Variants in ZFP14 observed in about 807,000 individuals in gnomAD.
The protein encoded by ZFP14 is zinc finger protein 14 homolog.
A neutral mutation model predicts 54.5 loss-of-function variants in ZFP14; 22 were observed. The ratio of observed to expected loss-of-function variants is 0.40; its 90% CI spans 0.29 to 0.58. ZFP14 has a LOEUF of 0.58. Ranked by LOEUF, ZFP14 falls within the 20% of genes least tolerant of loss-of-function variation. ZFP14 has a pLI of 0.39. For synonymous variants in ZFP14, 159 were observed against 204.0 expected (o/e 0.78, Z 1.88); for missense variants, 470 against 637.8 (o/e 0.74, Z 2.83).
In ZFP14 at chr19:36,364,994, C is replaced by CT. The variant is rs398034482; in HGVS notation, c.10-2757dup. Among the ~76,000 whole-genome samples, 113 of 61,996 alleles carry CT rather than the reference C, an allele frequency of 1.8e-3. 15 individuals carry two copies. Among genetic ancestry groups the CT allele is most frequent in the East Asian group, 5.7e-3 (11 of 1,926 alleles). The allele number at this position is 61,996 out of a possible 152,430, so 40.7% of individuals were successfully genotyped here. On this transcript the variant is annotated intron_variant, in intron 2 of 4. Transcript: ENST00000270001. ...TTTGCTTTCTTTCCTTTTTCTTTTT[C>CT]TTTTTTTTTTTTTTTTTTTTTTTTT...
At chr19:36,359,600 T>C (rs934642517) in intron 4 of ZFP14, among the ~76,000 whole-genome samples, 2 of 16,212 alleles carry the variant, frequency 1.2e-4, no homozygotes, top group Non-Finnish European at 2.4e-4. Context: ...TTCATTTAAG[T>C]TATCAAATTT....
At chr19:36,372,728 G>A (rs1007930309) in intron 1 of ZFP14, among the ~76,000 whole-genome samples, 1 of 152,168 alleles carries the variant, frequency 6.6e-6, no homozygotes, top group African/African-American at 2.4e-5. Flanking sequence ...AAATCAGAAT[G>A]TCAAAGAGAT....
chr19:36,350,560 C>T (rs547554950), intron 4 of ZFP14, among the ~76,000 whole-genome samples: 2 of 140,472 alleles, frequency 1.4e-5, no homozygotes, highest in South Asian at 4.5e-4. Flanking sequence ...GAAATCATGC[C>T]ACTGCACTCC....
At chr19:36,353,204 A>G (rs2031558991) in intron 4 of ZFP14, among the ~76,000 whole-genome samples, 1 of 143,068 alleles carries the variant, frequency 7.0e-6, no homozygotes, top group Non-Finnish European at 1.6e-5. Context: ...TAAGGGAAGT[A>G]TTCAGAGAAG....
At chr19:36,346,230 G>C (rs2031411056) in intron 4 of ZFP14, among the ~76,000 whole-genome samples, 1 of 152,084 alleles carries the variant, frequency 6.6e-6, no homozygotes, top group African/African-American at 2.4e-5. Flanking sequence ...GCATTGCAAT[G>C]AGCCATGATT....
intron 4 of ZFP14, among the ~76,000 whole-genome samples, chr19:36,357,281 G>A (rs1024819582): frequency 4.6e-5 from 7 of 152,198 alleles, no homozygotes; most frequent in East Asian, 1.9e-4. Flanking sequence ...AATATCAGGC[G>A]ATCTGCCCGC....
intron 4 of ZFP14, among the ~76,000 whole-genome samples, chr19:36,352,033 A>C (rs1253021398): frequency 2.1e-5 from 3 of 141,594 alleles, no homozygotes; most frequent in Non-Finnish European, 3.1e-5. Flanking sequence ...AATACAAAAA[A>C]ATTAGCGGGG....
At chr19:36,349,725 A>G (rs1369074273) in intron 4 of ZFP14, among the ~76,000 whole-genome samples, 6 of 148,060 alleles carry the variant, frequency 4.1e-5, no homozygotes, top group African/African-American at 1.2e-4. Flanking sequence ...TATGTATATT[A>G]TCTATAAATA....
At chr19:36,349,694 T>A (rs1206404183) in intron 4 of ZFP14, among the ~76,000 whole-genome samples, 1 of 143,092 alleles carries the variant, frequency 7.0e-6, no homozygotes, top group Non-Finnish European at 1.5e-5. Context: ...TATATATATA[T>A]AATATATATA....
At chr19:36,358,516 T>C (rs2031659295) in intron 4 of ZFP14, among the ~76,000 whole-genome samples, 1 of 152,228 alleles carries the variant, frequency 6.6e-6, no homozygotes, top group East Asian at 1.9e-4. Context: ...ATGTACACAA[T>C]CATGTCATCT....
At position 36,366,329 on chromosome 19, in the gene ZFP14, G is replaced by A. The variant is rs1461088066; in HGVS notation, c.9+1555C>T. The stretch of plus-strand genomic sequence containing the variant: ...TTGAACAAAGTTCTTGTTTTGTTTT[G>A]TCTTTTTGAGATAGGGTCTGGCTCT... On this transcript the variant is annotated intron_variant, in intron 2 of 4. Transcript: ENST00000270001. 2.0e-5 allele frequency among the ~76,000 whole-genome samples: 3 copies of A among 151,676 alleles called. No homozygotes were observed. In the South Asian group the frequency reaches 6.3e-4, roughly 32 times the overall value.
At position 36,371,457 on chromosome 19, in the gene ZFP14, A is replaced by G. The variant is rs1317787455; in HGVS notation, c.-79-3486T>C. Among the ~76,000 whole-genome samples, 4 of 152,202 alleles carry G rather than the reference A, an allele frequency of 2.6e-5. No individual in the cohort carries two copies. In the East Asian group the frequency reaches 7.7e-4, roughly 29 times the overall value. Reference sequence around the variant, plus strand: ...GAAGGAAATTTTGAAAATGCAAGACAGAACATCAACAGCAGAATTGACCAA... The same window carrying G: ...GAAGGAAATTTTGAAAATGCAAGACGGAACATCAACAGCAGAATTGACCAA... On this transcript the variant is annotated intron_variant, in intron 1 of 4. Transcript: ENST00000270001.
At chr19:36,354,264 A>G (rs1335291503) in intron 4 of ZFP14, among the ~76,000 whole-genome samples, 1 of 137,090 alleles carries the variant, frequency 7.3e-6, no homozygotes, top group Admixed American at 7.6e-5. Flanking sequence ...CCAGCTACTT[A>G]GGAGGCTGAG....
rs2031229608 is a variant in ZFP14 at position 36,337,662 on chromosome 19, G to GT, written c.*2561dup. On this transcript the variant is annotated 3_prime_UTR_variant, in exon 5 of 5. Coordinates refer to ENST00000270001, the MANE Select transcript of ZFP14 (RefSeq NM_020917.3). ...GGATACCAAGGGATGACCATATACT[G>GT]TTCATCTAGTCCCTGTCTGCTTTCA... The GT allele has an allele frequency of 2.0e-5, 3 of 152,262 alleles. No homozygotes were observed. Among genetic ancestry groups the GT allele is most frequent in the African/African-American group, 7.2e-5 (3 of 41,554 alleles). The allele number at this position is 152,262 out of a possible 1,614,324, so 9.4% of individuals were successfully genotyped here. A position where few individuals can be genotyped will look rare whatever the true frequency, so the allele number is the denominator to read the frequency against.
intron 4 of ZFP14, among the ~76,000 whole-genome samples, chr19:36,345,482 A>C (rs904983051): frequency 6.6e-6 from 1 of 152,330 alleles, no homozygotes; most frequent in East Asian, 1.9e-4. Flanking sequence ...GAGTAAAAAT[A>C]AAGGCTATGT....
intron 2 of ZFP14, among the ~76,000 whole-genome samples, chr19:36,363,146 A>C (rs1040133289): frequency 6.6e-6 from 1 of 151,520 alleles, no homozygotes; most frequent in Non-Finnish European, 1.5e-5. Flanking sequence ...GATATCATAA[A>C]GATATCACCT....
At chr19:36,355,682 CAA>C (rs1198663486) in intron 4 of ZFP14, among the ~76,000 whole-genome samples, 2 of 115,696 alleles carry the variant, frequency 1.7e-5, no homozygotes. Flanking sequence ...AGCCCTGTCT[CAA>C]AAAAAAAAAG....
intron 4 of ZFP14, among the ~76,000 whole-genome samples, chr19:36,344,519 T>C (rs968333206): frequency 2.0e-5 from 3 of 152,138 alleles, no homozygotes; most frequent in Non-Finnish European, 4.4e-5. Flanking sequence ...AATTATATAA[T>C]CATTAATTAA....
Position 36,337,472 on chromosome 19 carries a change from A to G in ZFP14, c.*2752T>C, listed in dbSNP as rs904966341. Reference sequence around the variant, plus strand: ...AAAATACAGTATAACAACTATTTACATAGTATTTACATTGTGATAGGTATA... The same window carrying G: ...AAAATACAGTATAACAACTATTTACGTAGTATTTACATTGTGATAGGTATA... On this transcript the variant is annotated 3_prime_UTR_variant, in exon 5 of 5. Coordinates refer to ENST00000270001, the MANE Select transcript of ZFP14 (RefSeq NM_020917.3). The G allele has an allele frequency of 6.6e-6, 1 of 152,258 alleles. No homozygotes were observed. The highest frequency in any genetic ancestry group is 6.5e-5 in the Admixed American group (1 of 15,282). The allele number at this position is 152,258 out of a possible 1,614,324, so 9.4% of individuals were successfully genotyped here.
Sources: allele counts gnomAD v4.1 joint callset (sites outside exome capture counted in the v4.1 genomes callset), GRCh38; gene constraint gnomAD v4.1.1; transcripts MANE v1.5; gene names NCBI Gene and HGNC (gene_info 2026-07-23, HGNC 2026-07-21).